Variants in TMEM131 observed in about 807,000 individuals in gnomAD.
TMEM131 encodes the protein transmembrane protein 131.
A neutral mutation model predicts 211.6 loss-of-function variants in TMEM131; 66 were observed. That is an observed-to-expected ratio of 0.31 (90% CI 0.26 to 0.38). The LOEUF (loss-of-function observed/expected upper bound fraction) is 0.38. Among genes scored for constraint, TMEM131 ranks in the 10% least tolerant of loss-of-function variants. TMEM131 has a pLI of 1.00. For synonymous variants in TMEM131, 844 were observed against 841.3 expected, an observed-to-expected ratio of 1.00 and a Z score of -0.06; for missense variants, 2,036 against 2,299.3, an observed-to-expected ratio of 0.89 and a Z score of 2.34.
intron 1 of TMEM131, among the ~76,000 whole-genome samples, chr2:97,967,895 T>C (rs866727364): frequency 1.8e-4 from 27 of 150,244 alleles, no homozygotes; most frequent in Admixed American, 5.3e-4. Context: ...TTTAGGTTGT[T>C]TTTTTTTTTG....
chr2:97,938,472 GAACT>G (rs1249444682), intron 1 of TMEM131, among the ~76,000 whole-genome samples: 3 of 152,136 alleles, frequency 2.0e-5, no homozygotes, highest in Non-Finnish European at 2.9e-5. Context: ...TCAACAAGAA[GAACT>G]AACTATCCTA....
intron 1 of TMEM131, among the ~76,000 whole-genome samples, chr2:97,981,062 A>AAAAAAAAAAT (rs1679773470): frequency 7.2e-6 from 1 of 138,354 alleles, no homozygotes; most frequent in African/African-American, 2.7e-5. Flanking sequence ...AAAAAAAAAA[A>AAAAAAAAAAT]AAAAAGTTTA....
chr2:97,806,018 T>C (rs1278119533), intron 19 of TMEM131, among the ~76,000 whole-genome samples: 2 of 152,188 alleles, frequency 1.3e-5, no homozygotes, highest in East Asian at 1.9e-4. Context: ...CAAACAGAGA[T>C]AGCTTTAGAT....
At chr2:97,898,413 T>C (rs1340842324) in intron 3 of TMEM131, among the ~76,000 whole-genome samples, 2 of 152,092 alleles carry the variant, frequency 1.3e-5, no homozygotes, top group African/African-American at 4.8e-5. Flanking sequence ...CTATGACTAT[T>C]ATGTGGAGAC....
Position 97,943,032 on chromosome 2 carries a change from A to AAAGAAAAG in TMEM131, c.188-15546_188-15545insCTTTTCTT, listed in dbSNP as rs1274591919. Among the ~76,000 whole-genome samples the AAAGAAAAG allele has an allele frequency of 2.1e-3, 101 of 47,290 alleles. 5 individuals are homozygous for AAAGAAAAG. Among genetic ancestry groups the AAAGAAAAG allele is most frequent in the African/African-American group, 7.6e-3 (95 of 12,510 alleles). The allele number at this position is 47,290 out of a possible 152,430, so 31.0% of individuals were successfully genotyped here. A position where few individuals can be genotyped will look rare whatever the true frequency, so the allele number is the denominator to read the frequency against. On this transcript the variant is annotated intron_variant, in intron 1 of 40. Transcript: ENST00000186436. ...GAAAGAAAAGAAAAGAAAAGAAAAG[A>AAAGAAAAG]AAAGAAAAGAAAGAAAGAAAGAAAG... is the stretch of plus-strand genomic sequence containing the variant.
Position 97,995,561 on chromosome 2 carries a change from GC to G in TMEM131, c.101del (p.Gly34AlafsTer10). 2.3e-6 allele frequency: 3 copies of G among 1,317,730 alleles called. No individual in the cohort carries two copies. Among genetic ancestry groups the G allele is most frequent in the South Asian group, 2.1e-5 (1 of 46,970 alleles). 81.6% of individuals were successfully genotyped at this position (1,317,730 alleles called of 1,614,324 possible). The stretch of plus-strand genomic sequence containing the variant: ...GGAGGCCGGCGGCCGCGCTCCGCGG[GC>G]CCCCGCTACGGGCGGCCGCAGGTTC... The part of the protein sequence containing the change: ...GLEPAAARSG[G>X]PRSAAAGLLG... On this transcript the variant is annotated frameshift_variant, in exon 1 of 41. Coordinates refer to ENST00000186436, the MANE Select transcript of TMEM131 (RefSeq NM_015348.2). LOFTEE classifies it high-confidence loss of function.
At chr2:97,994,833 G>C (rs1680420013) in intron 1 of TMEM131, among the ~76,000 whole-genome samples, 1 of 152,316 alleles carries the variant, frequency 6.6e-6, no homozygotes, top group Non-Finnish European at 1.5e-5. Flanking sequence ...ATGCTTGCAA[G>C]CTGGCAACTT....
intron 4 of TMEM131, among the ~76,000 whole-genome samples, chr2:97,874,012 T>C (rs768544874): frequency 2.0e-5 from 3 of 152,080 alleles, no homozygotes; most frequent in Non-Finnish European, 4.4e-5. Flanking sequence ...GAATAACCAG[T>C]GTAGAGAAGA....
At position 97,760,631 on chromosome 2, in the gene TMEM131, G is replaced by A; in HGVS notation, c.5070C>T (p.Gly1690=). Residue 1690 remains glycine (G), a synonymous_variant, in exon 38 of 41, where the codon GGC becomes GGT. Transcript: ENST00000186436. ...SNKTGFSSSL[G]ISHAPVDSDG... is the part of the protein sequence containing the mutation. ...CGCTGTCAACAGGAGCGTGTGAAAT[G>A]CCAAGGCTGCTGGAGAAACCTGTTT... is the stretch of plus-strand genomic sequence containing the variant. 1 of 1,613,242 alleles carries A rather than the reference G, an allele frequency of 6.2e-7. No individual in the cohort carries two copies. The highest frequency in any genetic ancestry group is 8.5e-7 in the Non-Finnish European group (1 of 1,179,554).
intron 31 of TMEM131, among the ~76,000 whole-genome samples, chr2:97,776,937 T>C (rs1679765835): frequency 6.6e-6 from 1 of 152,174 alleles, no homozygotes; most frequent in Non-Finnish European, 1.5e-5. Context: ...GGTGCATGAG[T>C]ACTATGTAAT....
intron 1 of TMEM131, among the ~76,000 whole-genome samples, chr2:97,946,672 A>G (rs1239923253): frequency 6.6e-6 from 1 of 151,994 alleles, no homozygotes; most frequent in African/African-American, 2.4e-5. Context: ...AGGGGAAAAA[A>G]AAAATCATAC....
intron 32 of TMEM131, 22 bp downstream of exon 32, chr2:97,775,821 G>A: frequency 6.3e-7 from 1 of 1,599,838 alleles, no homozygotes; most frequent in Non-Finnish European, 8.5e-7. Context: ...CTCGTGTTTT[G>A]TTGTGTGAGA....
chr2:97,900,553 T>C (rs1675809883), intron 3 of TMEM131, among the ~76,000 whole-genome samples: 1 of 151,956 alleles, frequency 6.6e-6, no homozygotes, highest in Non-Finnish European at 1.5e-5. Context: ...GGAATACTAT[T>C]AAGAATCCAC....
At chr2:97,888,762 A>T (rs1221319389) in intron 3 of TMEM131, among the ~76,000 whole-genome samples, 1 of 152,090 alleles carries the variant, frequency 6.6e-6, no homozygotes, top group Non-Finnish European at 1.5e-5. Context: ...ATAAAACATA[A>T]ATGACTTTTG....
At chr2:97,970,152 T>A (rs934189280) in intron 1 of TMEM131, among the ~76,000 whole-genome samples, 3 of 152,204 alleles carry the variant, frequency 2.0e-5, no homozygotes, top group African/African-American at 7.2e-5. Context: ...GGAACCAGCA[T>A]GGATACTGAA....
chr2:97,979,402 A>G (rs1679688784), intron 1 of TMEM131, among the ~76,000 whole-genome samples: 1 of 152,318 alleles, frequency 6.6e-6, no homozygotes, highest in East Asian at 1.9e-4. Context: ...CATCTTCCAA[A>G]AGAAGGCTGT....
At chr2:97,891,642 C>A (rs1470590170) in intron 3 of TMEM131, among the ~76,000 whole-genome samples, 1 of 152,192 alleles carries the variant, frequency 6.6e-6, no homozygotes, top group South Asian at 2.1e-4. Flanking sequence ...CAAAGTTGAG[C>A]AGGAAACTCC....
chr2:97,775,187 C>T (rs1039680416), intron 32 of TMEM131, among the ~76,000 whole-genome samples: 24 of 152,324 alleles, frequency 1.6e-4, no homozygotes, highest in Non-Finnish European at 2.4e-4. Context: ...GACCCCGTCA[C>T]TAAGGCCCAC....
At chr2:97,796,109 C>T (rs964453637) in intron 28 of TMEM131, 109 bp downstream of exon 28, 2 of 573,312 alleles carry the variant, frequency 3.5e-6, no homozygotes, top group South Asian at 3.6e-5. Flanking sequence ...GAAAAAAAAA[C>T]AAATGAATGC....
Sources: allele counts gnomAD v4.1 joint callset (sites outside exome capture counted in the v4.1 genomes callset), GRCh38; gene constraint gnomAD v4.1.1; transcripts MANE v1.5; gene names NCBI Gene and HGNC (gene_info 2026-07-23, HGNC 2026-07-21).